The following KDR variants were observed in gnomAD, a reference collection of about 807,000 sequenced individuals.
KDR encodes vascular endothelial growth factor receptor 2.
Under a neutral mutation model 160.9 loss-of-function variants are expected in KDR, and 43 were observed. That is an observed-to-expected ratio of 0.27 (90% confidence interval 0.21 to 0.34). The LOEUF is 0.34. KDR is among the 10% of genes least tolerant of loss of function. The pLI is 1.00. For missense variants in KDR, 1,469 were observed against 1,666.4 expected (o/e 0.88, Z 2.06); for synonymous variants, 617 against 600.1 (o/e 1.03, Z -0.41).
chr4:55,115,512 G>A lies in KDR; in HGVS notation c.359-101C>T, dbSNP rs1428732906. The A allele has an allele frequency of 4.2e-6, 3 of 708,672 alleles. No homozygotes were observed. The East Asian group carries it at 7.9e-5, about 19-fold the overall frequency. 43.9% of individuals were successfully genotyped at this position (708,672 alleles called of 1,614,324 possible). A position where few individuals can be genotyped will look rare whatever the true frequency, so the allele number is the denominator to read the frequency against. ...CTCTAACCAGACAAGTGAATGACTG[G>A]AAGGGACACCTCACACAACCAAAGG... On this transcript the variant is annotated intron_variant, in intron 3 of 29. Transcript: ENST00000263923.
chr4:55,105,062 AC>A, intron 12 of KDR, 78 bp from the exon 13 acceptor site: 1 of 1,158,498 alleles, frequency 8.6e-7, no homozygotes, highest in Middle Eastern at 2.8e-4. Context: ...CTTTCAGACT[AC>A]TACAAAGTAC....
intron 27 of KDR, among the ~76,000 whole-genome samples, chr4:55,084,081 G>T (rs1719801670): frequency 6.6e-6 from 1 of 152,132 alleles, no homozygotes; most frequent in Non-Finnish European, 1.5e-5. Flanking sequence ...CCTCTCTAGG[G>T]GTGAGTATTA....
intron 2 of KDR, among the ~76,000 whole-genome samples, chr4:55,120,568 G>A (rs754081183): frequency 2.4e-4 from 36 of 152,016 alleles, no homozygotes; most frequent in African/African-American, 5.3e-4. Context: ...TAGATCATGC[G>A]CTCAGTAATA....
Position 55,125,446 on chromosome 4 carries a change from C to T in KDR, c.-153G>A. 3.2e-6 allele frequency: 3 copies of T among 935,308 alleles called. No homozygotes were observed. The highest frequency in any genetic ancestry group is 1.5e-5 in the South Asian group (1 of 67,632). 57.9% of individuals were successfully genotyped at this position (935,308 alleles called of 1,614,324 possible). On this transcript the variant is annotated 5_prime_UTR_variant, in exon 1 of 30. Transcript: ENST00000263923. ...AGGGCTAGGGAGCCCGGGCGCCGAC[C>T]GCGGCTGCAGGGGCGTCTGCGGGTG...
At chr4:55,124,672 G>C (rs940947253) in intron 1 of KDR, among the ~76,000 whole-genome samples, 1 of 134,654 alleles carries the variant, frequency 7.4e-6, no homozygotes, top group Non-Finnish European at 1.6e-5. Context: ...AGGAAAAAAA[G>C]TTTCTCTCCG....
intron 10 of KDR, among the ~76,000 whole-genome samples, chr4:55,107,359 A>G (rs529772108): frequency 6.6e-6 from 1 of 152,286 alleles, no homozygotes; most frequent in East Asian, 1.9e-4. Context: ...ACTGCCTCTC[A>G]TCTATCAGCA....
chr4:55,101,849 T>G, intron 15 of KDR, 48 bp downstream of exon 15: 1 of 1,491,172 alleles, frequency 6.7e-7, no homozygotes. Context: ...TACGGCTGCA[T>G]AGCATTCCAT....
At chr4:55,107,570 T>A (rs1425111498) in intron 10 of KDR, among the ~76,000 whole-genome samples, 167 bp downstream of exon 10, 3 of 152,064 alleles carry the variant, frequency 2.0e-5, no homozygotes, top group Non-Finnish European at 4.4e-5. Context: ...AGCAAAGACA[T>A]CCCCTAAAAT....
chr4:55,105,876 T>C lies in KDR; in HGVS notation c.1601A>G (p.Asn534Ser), dbSNP rs1425922231. Residue 534 changes from asparagine (N) to serine (S), a missense_variant, in exon 12 of 30, where the codon AAC becomes AGC. Asn to Ser is a conservative substitution (Grantham distance 46). Coordinates refer to ENST00000263923, the MANE Select transcript of KDR (RefSeq NM_002253.4). ...VSALYKCEAV[N>S]KVGRGERVIS... Reference sequence around the variant, plus strand: ...CACCCTCTCTCCTCTCCCGACTTTGTTGACCGCTTCACATTTGTACAAAGC... The same window carrying C: ...CACCCTCTCTCCTCTCCCGACTTTGCTGACCGCTTCACATTTGTACAAAGC... 1 of 1,613,636 alleles carries C rather than the reference T, an allele frequency of 6.2e-7. No individual in the cohort carries two copies. Among genetic ancestry groups the C allele is most frequent in the African/African-American group, 1.3e-5 (1 of 75,006 alleles).
At chr4:55,107,677 T>C (rs1040955487) in intron 10 of KDR, 60 bp downstream of exon 10, 2 of 1,608,696 alleles carry the variant, frequency 1.2e-6, no homozygotes, top group Non-Finnish European at 1.7e-6. Context: ...AGTCATATCA[T>C]AGCTCAGCTG....
intron 5 of KDR, 32 bp from the exon 6 acceptor site, chr4:55,114,297 G>A (rs780983395): frequency 5.6e-6 from 9 of 1,607,498 alleles, no homozygotes; most frequent in Non-Finnish European, 7.7e-6. Context: ...AACAGAACAT[G>A]AGAGAGCAAA....
Position 55,123,435 on chromosome 4 carries a change from T to G in KDR, c.67+1792A>C, listed in dbSNP as rs76541072. On this transcript the variant is annotated intron_variant, in intron 1 of 29. Transcript: ENST00000263923. ...TAATTTATTGCCACAGATCACATTCTAGACACACTTTCCTGTGTAACAAAT... is the reference window on the plus strand; with the variant it reads ...TAATTTATTGCCACAGATCACATTCGAGACACACTTTCCTGTGTAACAAAT... 5.2e-3 allele frequency among the ~76,000 whole-genome samples: 786 copies of G among 152,336 alleles called. 6 individuals are homozygous for G. The highest frequency in any genetic ancestry group is 0.018 in the African/African-American group (745 of 41,576).
chr4:55,091,453 A>T (rs891772478), intron 22 of KDR, among the ~76,000 whole-genome samples: 5 of 152,178 alleles, frequency 3.3e-5, no homozygotes, highest in African/African-American at 7.2e-5. Flanking sequence ...CTAGTCCCCA[A>T]AAGGAACCCT....
intron 5 of KDR, 126 bp from the exon 6 acceptor site, chr4:55,114,391 C>T: frequency 2.0e-6 from 2 of 977,618 alleles, no homozygotes; most frequent in Non-Finnish European, 1.6e-6. Context: ...GCAGGCCTCA[C>T]CAATACTTGG....
At position 55,119,206 on chromosome 4, in the gene KDR, C is replaced by CAA. The variant is rs111434117; in HGVS notation, c.162-408_162-407dup. 4.3e-3 allele frequency among the ~76,000 whole-genome samples: 559 copies of CAA among 130,634 alleles called. 9 individuals carry two copies. Among genetic ancestry groups the CAA allele is most frequent in the Admixed American group, 0.037 (478 of 12,842 alleles). The allele number at this position is 130,634 out of a possible 152,430, so 85.7% of individuals were successfully genotyped here. Reference sequence around the variant, plus strand: ...CCTGGGCAAGAGGGCAACCCTGCCTCAAAAAAAAAAAAACAAAGTCTTCTA... The same window carrying CAA: ...CCTGGGCAAGAGGGCAACCCTGCCTCAAAAAAAAAAAAAAACAAAGTCTTCTA... On this transcript the variant is annotated intron_variant, in intron 2 of 29. Transcript: ENST00000263923.
At chr4:55,097,842 A>C in intron 17 of KDR, 76 bp from the exon 18 acceptor site, 1 of 1,033,708 alleles carries the variant, frequency 9.7e-7, no homozygotes, top group Non-Finnish European at 1.5e-6. Context: ...AGAGACATCA[A>C]CTAGATAGGG....
intron 28 of KDR, 147 bp downstream of exon 28, chr4:55,082,389 C>T (rs920083164): frequency 1.5e-6 from 1 of 659,050 alleles, no homozygotes; most frequent in Admixed American, 2.7e-5. Context: ...AAACAAAGTT[C>T]CATCTCCATA....
chr4:55,117,076 C>G (rs1417317397), intron 3 of KDR, among the ~76,000 whole-genome samples: 2 of 152,180 alleles, frequency 1.3e-5, no homozygotes, highest in Non-Finnish European at 2.9e-5. Context: ...TATTACATAA[C>G]TTGCTTACAG....
chr4:55,085,584 G>T (rs777729899), intron 27 of KDR, among the ~76,000 whole-genome samples: 1 of 152,158 alleles, frequency 6.6e-6, no homozygotes, highest in African/African-American at 2.4e-5. Flanking sequence ...GCCTCTATCT[G>T]CTTTTCTTCA....
Sources: allele counts gnomAD v4.1 joint callset (sites outside exome capture counted in the v4.1 genomes callset), GRCh38; gene constraint gnomAD v4.1.1; transcripts MANE v1.5; gene names NCBI Gene and HGNC (gene_info 2026-07-23, HGNC 2026-07-21).